PACS2: variants seen among roughly 807,000 people sequenced by gnomAD.
PACS2 encodes PACS1-like protein.
A neutral mutation model predicts 113.0 loss-of-function variants in PACS2; 36 were observed. That is an observed-to-expected ratio of 0.32 (90% CI 0.24 to 0.42). The LOEUF (loss-of-function observed/expected upper bound fraction) is 0.42, where lower values mean the gene tolerates loss of function less well. Ranked by LOEUF, PACS2 falls within the 10% of genes least tolerant of loss-of-function variation. The probability of loss-of-function intolerance (pLI) is 1.00; values close to 1 mark genes in which losing one functional copy is unlikely to be tolerated. For synonymous variants in PACS2, 589 were observed against 536.1 expected, an observed-to-expected ratio of 1.10 and a Z score of -1.36; for missense variants, 1,015 against 1,239.5, an observed-to-expected ratio of 0.82 and a Z score of 2.72.
chr14:105,390,964 TAGAG>T (rs1239068118), intron 20 of PACS2: 1 of 575,736 alleles, frequency 1.7e-6, no homozygotes, highest in Non-Finnish European at 3.1e-6. Flanking sequence ...GGGCCGACTT[TAGAG>T]AGAGCAGTCC....
intron 1 of PACS2, among the ~76,000 whole-genome samples, chr14:105,316,178 G>A (rs1162698099): frequency 1.3e-5 from 2 of 152,246 alleles, no homozygotes; most frequent in Non-Finnish European, 1.5e-5. Flanking sequence ...CAGGAAGGAT[G>A]CCCACCCGGC....
Position 105,384,396 on chromosome 14 carries a change from C to G in PACS2, c.1824C>G (p.Arg608=). 6.2e-7 allele frequency: 1 copy of G among 1,612,576 alleles called. No individual in the cohort carries two copies. Among genetic ancestry groups the G allele is most frequent in the African/African-American group, 1.3e-5 (1 of 75,070 alleles). ...VARYLGSVDY[R]YNNFFQDLAW... Reference sequence around the variant, plus strand: ...GGTACCTAGGCTCCGTGGACTACCGCTACAACAACTTCTTCCAGGACCTGG... The same window carrying G: ...GGTACCTAGGCTCCGTGGACTACCGGTACAACAACTTCTTCCAGGACCTGG... Residue 608 remains arginine (R), a synonymous_variant, in exon 17 of 25, where the codon CGC becomes CGG. Transcript: ENST00000447393.
At chr14:105,347,169 A>G (rs1170845360) in intron 1 of PACS2, among the ~76,000 whole-genome samples, 1 of 148,664 alleles carries the variant, frequency 6.7e-6, no homozygotes, top group African/African-American at 2.5e-5. Context: ...ACAGTGTAGT[A>G]GATCATCACC....
At chr14:105,384,583 T>C in intron 17 of PACS2, 120 bp downstream of exon 17, 2 of 662,324 alleles carry the variant, frequency 3.0e-6, no homozygotes, top group East Asian at 2.7e-5. Flanking sequence ...GAAGAGGCCA[T>C]GGACAGGGCC....
At chr14:105,363,569 C>T (rs1566942420) in intron 4 of PACS2, among the ~76,000 whole-genome samples, 2 of 152,154 alleles carry the variant, frequency 1.3e-5, no homozygotes, top group African/African-American at 2.4e-5. Context: ...GGCCTTGCTC[C>T]GGATGAGGCT....
Position 105,394,536 on chromosome 14 carries a change from G to C in PACS2, c.2597-18G>C. 6.2e-7 allele frequency: 1 copy of C among 1,610,888 alleles called. No individual in the cohort carries two copies. Among genetic ancestry groups the C allele is most frequent in the Non-Finnish European group, 8.5e-7 (1 of 1,179,028 alleles). On this transcript the variant is annotated intron_variant, in intron 24 of 24. Coordinates refer to ENST00000447393, the MANE Select transcript of PACS2 (RefSeq NM_001100913.3). ...GGCCGGGCAGGGGGGCAGGCGGTCAGGCAGCCCTCTCCCACAGTCCTCATC... is the reference window on the plus strand; with the variant it reads ...GGCCGGGCAGGGGGGCAGGCGGTCACGCAGCCCTCTCCCACAGTCCTCATC...
At chr14:105,390,363 C>T (rs1237730782) in intron 20 of PACS2, 5 of 325,170 alleles carry the variant, frequency 1.5e-5, no homozygotes, top group Admixed American at 3.9e-5. Context: ...GAGCCCAAGG[C>T]CCCGGGAGCT....
intron 1 of PACS2, among the ~76,000 whole-genome samples, chr14:105,334,189 C>T (rs947484398): frequency 3.9e-5 from 6 of 152,236 alleles, no homozygotes; most frequent in Admixed American, 6.5e-5. Context: ...GCTCATCTGT[C>T]TGCCTTCCCC....
chr14:105,324,241 C>T lies in PACS2; in HGVS notation c.119+9204C>T, dbSNP rs1028102650. 4.6e-5 allele frequency among the ~76,000 whole-genome samples: 7 copies of T among 152,138 alleles called. No individual in the cohort carries two copies. In the East Asian group the frequency reaches 7.7e-4, roughly 17 times the overall value. Reference sequence around the variant, plus strand: ...GGGGCTGCTGCAGAGAGCGGGTCTGCGGTCAGTCACAGTGACGGGGGTCTC... The same window carrying T: ...GGGGCTGCTGCAGAGAGCGGGTCTGTGGTCAGTCACAGTGACGGGGGTCTC... On this transcript the variant is annotated intron_variant, in intron 1 of 24. Coordinates refer to ENST00000447393, the MANE Select transcript of PACS2 (RefSeq NM_001100913.3). This position sits in a 1 kb window ranked among gnomAD's most constrained non-coding sequence, Gnocchi z 4.7.
chr14:105,378,228 C>T lies in PACS2; in HGVS notation c.959+1303C>T, dbSNP rs775235706. Among the ~76,000 whole-genome samples, 101 of 152,294 alleles carry T rather than the reference C, an allele frequency of 6.6e-4. 1 individual carries two copies. Among genetic ancestry groups the T allele is most frequent in the Non-Finnish European group, 1.5e-4 (10 of 68,036 alleles). On this transcript the variant is annotated intron_variant, in intron 9 of 24. Transcript: ENST00000447393. Reference sequence around the variant, plus strand: ...CCAGATCCTCTCCCATCTTAAACTCCGTGGTGTTGGCTGTATCTGCAGAGC... The same window carrying T: ...CCAGATCCTCTCCCATCTTAAACTCTGTGGTGTTGGCTGTATCTGCAGAGC...
At position 105,358,710 on chromosome 14, in the gene PACS2, G is replaced by A. The variant is rs1007803998; in HGVS notation, c.423+3533G>A. On this transcript the variant is annotated intron_variant, in intron 4 of 24. Coordinates refer to ENST00000447393, the MANE Select transcript of PACS2 (RefSeq NM_001100913.3). This position sits in a 1 kb window ranked among gnomAD's most constrained non-coding sequence, Gnocchi z 4.9. ...TTCTTTGCACAGCCGGACTCCTCTT[G>A]TGGCCTCGCCACAAGCTGCACATGC... 5.3e-5 allele frequency among the ~76,000 whole-genome samples: 8 copies of A among 152,202 alleles called. No homozygotes were observed. Among genetic ancestry groups the A allele is most frequent in the African/African-American group, 1.7e-4 (7 of 41,458 alleles).
rs142598047 is a variant in PACS2 at position 105,366,653 on chromosome 14, C to G, written c.424-560C>G. Among the ~76,000 whole-genome samples, 657 of 152,308 alleles carry G rather than the reference C, an allele frequency of 4.3e-3. 6 individuals are homozygous for G. The highest frequency in any genetic ancestry group is 0.016 in the East Asian group (82 of 5,184). Reference sequence around the variant, plus strand: ...TGGGTGTCTCCTGCTGCTGGAGATTCCGGCCTGGCTGAGAGTGCTGGGCTC... The same window carrying G: ...TGGGTGTCTCCTGCTGCTGGAGATTGCGGCCTGGCTGAGAGTGCTGGGCTC... On this transcript the variant is annotated intron_variant, in intron 4 of 24. Coordinates refer to ENST00000447393, the MANE Select transcript of PACS2 (RefSeq NM_001100913.3). This position sits in a 1 kb window ranked among gnomAD's most constrained non-coding sequence, Gnocchi z 4.3.
intron 1 of PACS2, among the ~76,000 whole-genome samples, chr14:105,347,922 C>T (rs1285718688): frequency 1.3e-5 from 2 of 152,346 alleles, no homozygotes; most frequent in Non-Finnish European, 1.5e-5. Flanking sequence ...CAACAGAGCC[C>T]TGGACACTGG....
At chr14:105,377,075 G>A (rs1302974991) in intron 9 of PACS2, 150 bp downstream of exon 9, 2 of 822,472 alleles carry the variant, frequency 2.4e-6, no homozygotes, top group Non-Finnish European at 3.7e-6. Flanking sequence ...GTGGCTGGAA[G>A]GAGGGGTGTG....
In PACS2 at chr14:105,348,596, AC is replaced by A; in HGVS notation, c.207+20del. 1 of 1,586,964 alleles carries A rather than the reference AC, an allele frequency of 6.3e-7. No individual in the cohort carries two copies. Among genetic ancestry groups the A allele is most frequent in the Non-Finnish European group, 8.6e-7 (1 of 1,157,784 alleles). ...CAAGATGCAGGTGAGGCCGCTTGTG[AC>A]CCCGGCTGTGGCTGGGTGCTGTGTA... On this transcript the variant is annotated intron_variant, in intron 2 of 24. Transcript: ENST00000447393. The surrounding 1 kb of genome is among the most constrained non-coding windows in gnomAD (Gnocchi z 6.4).
intron 9 of PACS2, 76 bp from the exon 10 acceptor site, chr14:105,379,662 TG>T: frequency 1.7e-6 from 2 of 1,171,524 alleles, no homozygotes; most frequent in Non-Finnish European, 2.6e-6. Flanking sequence ...CCTCCAGGTG[TG>T]GTGGGAGAAC....
At chr14:105,350,899 C>G (rs1199889646) in intron 2 of PACS2, among the ~76,000 whole-genome samples, 1 of 152,178 alleles carries the variant, frequency 6.6e-6, no homozygotes, top group Non-Finnish European at 1.5e-5. Context: ...GAGGGCTGGC[C>G]GAGGAGAGCC....
intron 19 of PACS2, chr14:105,389,214 C>T (rs1419324076): frequency 6.6e-6 from 1 of 152,550 alleles, no homozygotes; most frequent in South Asian, 2.1e-4. Context: ...TTGGCATCTT[C>T]GTGTGGACGG....
At chr14:105,392,573 T>C in intron 22 of PACS2, 46 bp from the exon 23 acceptor site, 2 of 1,499,290 alleles carry the variant, frequency 1.3e-6, no homozygotes, top group Non-Finnish European at 1.8e-6. Context: ...TCCCCATCAC[T>C]AGGCCCAAAG....
Sources: gnomAD v4.1 joint callset for allele counts (sites outside exome capture counted in the v4.1 genomes callset) on GRCh38, gnomAD v4.1.1 for gene constraint, Gnocchi (gnomAD v3.1) non-coding constraint, MANE v1.5 for transcripts, NCBI Gene and HGNC (gene_info 2026-07-23, HGNC 2026-07-21) for gene names.